SYNDIG1: variants seen among roughly 807,000 people sequenced by gnomAD.
SYNDIG1 encodes synapse differentiation-inducing gene protein 1.
A neutral mutation model predicts 19.4 loss-of-function variants in SYNDIG1; 9 were observed. The observed-to-expected ratio is 0.46, with a 90% CI of 0.28 to 0.81. The LOEUF (loss-of-function observed/expected upper bound fraction) is 0.81, where lower values mean the gene tolerates loss of function less well. SYNDIG1 is among the 30% of genes least tolerant of loss of function. The pLI is 0.12. For missense variants in SYNDIG1, 311 were observed against 343.3 expected (o/e 0.91, Z 0.74); for synonymous variants, 141 against 145.9 (o/e 0.97, Z 0.24).
chr20:24,602,917 T>C (rs2058699816), intron 3 of SYNDIG1, among the ~76,000 whole-genome samples: 1 of 152,236 alleles, frequency 6.6e-6, no homozygotes. Flanking sequence ...TCACTTGAAT[T>C]CTCATTTCTT....
At chr20:24,639,907 A>ACAAC (rs1385687732) in intron 3 of SYNDIG1, among the ~76,000 whole-genome samples, 2 of 152,254 alleles carry the variant, frequency 1.3e-5, no homozygotes, top group African/African-American at 4.8e-5. Flanking sequence ...CCATATGGAC[A>ACAAC]CAACATGATT....
chr20:24,658,978 G>A lies in SYNDIG1; in HGVS notation c.619-6368G>A, dbSNP rs983811437. Among the ~76,000 whole-genome samples the A allele has an allele frequency of 2.0e-5, 3 of 152,092 alleles. No individual in the cohort carries two copies. Among genetic ancestry groups the A allele is most frequent in the East Asian group, 1.9e-4 (1 of 5,180 alleles). On this transcript the variant is annotated intron_variant, in intron 3 of 3. Transcript: ENST00000376862. This position sits in a 1 kb window ranked among gnomAD's most constrained non-coding sequence, Gnocchi z 4.4. ...TCTCCATCCCCAGGAGCTTCTGCACGGCTCTGATGTGGACCTTCCCTCCCC... is the reference window on the plus strand; with the variant it reads ...TCTCCATCCCCAGGAGCTTCTGCACAGCTCTGATGTGGACCTTCCCTCCCC...
chr20:24,623,294 T>G (rs2147244138), intron 3 of SYNDIG1, among the ~76,000 whole-genome samples: 1 of 152,282 alleles, frequency 6.6e-6, no homozygotes, highest in Middle Eastern at 3.4e-3. Flanking sequence ...AATTGCATAT[T>G]CAGTAAGAAT....
At chr20:24,661,460 T>G (rs1290318791) in intron 3 of SYNDIG1, among the ~76,000 whole-genome samples, 3,635 of 48,720 alleles carry the variant, frequency 0.075, no homozygotes, top group East Asian at 0.11. Context: ...AGGGAGGAAG[T>G]AGGAAGGAGG....
chr20:24,537,924 A>G (rs2057393495), intron 1 of SYNDIG1, among the ~76,000 whole-genome samples: 1 of 151,658 alleles, frequency 6.6e-6, no homozygotes, highest in Admixed American at 6.6e-5. Flanking sequence ...ATCAGTGGTC[A>G]GCGCACAGTC....
At chr20:24,488,125 G>A (rs1053426731) in intron 1 of SYNDIG1, among the ~76,000 whole-genome samples, 5 of 152,092 alleles carry the variant, frequency 3.3e-5, no homozygotes, top group African/African-American at 1.2e-4. Flanking sequence ...GAAAAAAATG[G>A]ACTAGAAATA....
At chr20:24,630,482 A>G (rs991399368) in intron 3 of SYNDIG1, among the ~76,000 whole-genome samples, 2 of 152,236 alleles carry the variant, frequency 1.3e-5, no homozygotes, top group African/African-American at 4.8e-5. Context: ...TGTTCATGGT[A>G]CCTTATTCAT....
At chr20:24,515,382 A>G (rs913246004) in intron 1 of SYNDIG1, among the ~76,000 whole-genome samples, 3 of 152,236 alleles carry the variant, frequency 2.0e-5, no homozygotes, top group Non-Finnish European at 4.4e-5. Flanking sequence ...CAATTAGGAA[A>G]AGAGGAAGTC....
intron 1 of SYNDIG1, among the ~76,000 whole-genome samples, chr20:24,487,881 A>C (rs1403642606): frequency 2.0e-5 from 3 of 152,148 alleles, no homozygotes; most frequent in Non-Finnish European, 4.4e-5. Flanking sequence ...GAAAGTGGCG[A>C]TGGACCCATT....
At chr20:24,470,654 G>A (rs559675144) in intron 1 of SYNDIG1, among the ~76,000 whole-genome samples, 57 of 152,218 alleles carry the variant, frequency 3.7e-4, no homozygotes, top group Non-Finnish European at 6.9e-4. Flanking sequence ...GTCCCTATGC[G>A]CTTTTTGCAA....
intron 3 of SYNDIG1, among the ~76,000 whole-genome samples, chr20:24,660,580 G>A (rs1295223682): frequency 6.6e-6 from 1 of 152,242 alleles, no homozygotes; most frequent in Non-Finnish European, 1.5e-5. Flanking sequence ...GCGGTTGGCA[G>A]GAGCAGATAG....
At chr20:24,518,303 G>T (rs1600502258) in intron 1 of SYNDIG1, among the ~76,000 whole-genome samples, 1 of 152,052 alleles carries the variant, frequency 6.6e-6, no homozygotes. Flanking sequence ...CTCTGGACTG[G>T]TACTAGGGAG....
intron 3 of SYNDIG1, among the ~76,000 whole-genome samples, chr20:24,602,660 TCC>T (rs1346150446): frequency 4.6e-5 from 7 of 152,220 alleles, no homozygotes; most frequent in African/African-American, 1.7e-4. Flanking sequence ...TATTGTCCTC[TCC>T]CTGGCCTTGG....
At chr20:24,560,272 T>C (rs1012412910) in intron 2 of SYNDIG1, among the ~76,000 whole-genome samples, 2 of 151,912 alleles carry the variant, frequency 1.3e-5, no homozygotes, top group Non-Finnish European at 2.9e-5. Flanking sequence ...GGTTCCACTA[T>C]GTTGGCCAGG....
At chr20:24,622,278 G>A (rs143992735) in intron 3 of SYNDIG1, among the ~76,000 whole-genome samples, 60 of 152,314 alleles carry the variant, frequency 3.9e-4, no homozygotes, top group African/African-American at 1.0e-3. Flanking sequence ...AAGAATCAGT[G>A]ACCTTGAGGA....
chr20:24,475,162 G>C (rs981078440), intron 1 of SYNDIG1, among the ~76,000 whole-genome samples: 3 of 152,188 alleles, frequency 2.0e-5, no homozygotes, highest in Non-Finnish European at 2.9e-5. Flanking sequence ...CAGCTAGCAT[G>C]GGTCTGAGAT....
chr20:24,513,593 C>T lies in SYNDIG1; in HGVS notation c.-78-29427C>T, dbSNP rs952811621. Among the ~76,000 whole-genome samples, 107 of 152,240 alleles carry T rather than the reference C, an allele frequency of 7.0e-4. 1 individual carries two copies. Among genetic ancestry groups the T allele is most frequent in the South Asian group, 1.7e-3 (8 of 4,820 alleles). ...TTAGAGGAAAAAAAGTAAAAAGAAA[C>T]AAACAAAGCCTCCAAGAAATATGGG... is the stretch of plus-strand genomic sequence containing the variant. On this transcript the variant is annotated intron_variant, in intron 1 of 3. Transcript: ENST00000376862.
chr20:24,621,946 CTTAT>C (rs1158806064), intron 3 of SYNDIG1, among the ~76,000 whole-genome samples: 1 of 152,210 alleles, frequency 6.6e-6, no homozygotes, highest in African/African-American at 2.4e-5. Flanking sequence ...ACTTGAAAGT[CTTAT>C]TTAACTCAGT....
intron 1 of SYNDIG1, among the ~76,000 whole-genome samples, chr20:24,486,595 C>T (rs1238198464): frequency 2.0e-5 from 3 of 152,080 alleles, no homozygotes; most frequent in African/African-American, 4.8e-5. Flanking sequence ...TCCAGTGGGT[C>T]GCTGGAACCT....
Sources: allele counts gnomAD v4.1 joint callset (sites outside exome capture counted in the v4.1 genomes callset), GRCh38; gene constraint gnomAD v4.1.1; non-coding constraint Gnocchi (gnomAD v3.1); transcripts MANE v1.5; gene names NCBI Gene and HGNC (gene_info 2026-07-23, HGNC 2026-07-21).